Variants in TRPC7 observed in about 807,000 individuals in gnomAD.
TRPC7 encodes transient receptor potential cation channel subfamily C member 7.
Under a neutral mutation model 90.1 loss-of-function variants are expected in TRPC7, and 42 were observed. The ratio of observed to expected loss-of-function variants is 0.47; its 90% CI spans 0.36 to 0.60. The LOEUF (loss-of-function observed/expected upper bound fraction) is 0.60. Among genes scored for constraint, TRPC7 ranks in the 20% least tolerant of loss-of-function variants. The pLI, the probability that TRPC7 is intolerant of heterozygous loss-of-function variation, is 0.00. For missense variants in TRPC7, 955 were observed against 1,112.3 expected, an observed-to-expected ratio of 0.86 and a Z score of 2.01; for synonymous variants, 451 against 436.3, an observed-to-expected ratio of 1.03 and a Z score of -0.42.
At chr5:136,263,234 T>C (rs1756915038) in intron 5 of TRPC7, among the ~76,000 whole-genome samples, 1 of 152,146 alleles carries the variant, frequency 6.6e-6, no homozygotes. Flanking sequence ...CAGAAGTGTG[T>C]CTCTATAGTA....
intron 2 of TRPC7, among the ~76,000 whole-genome samples, chr5:136,327,552 T>G (rs116122092): frequency 6.6e-6 from 1 of 152,118 alleles, no homozygotes; most frequent in East Asian, 1.9e-4. Context: ...TAGCATGAAA[T>G]AGGAGAGCAT....
chr5:136,268,715 A>C (rs1757114711), intron 4 of TRPC7, among the ~76,000 whole-genome samples: 1 of 152,196 alleles, frequency 6.6e-6, no homozygotes, highest in Non-Finnish European at 1.5e-5. Context: ...AACCATAATA[A>C]AAAGTCCTGT....
chr5:136,275,220 T>C (rs1757326345), intron 3 of TRPC7, among the ~76,000 whole-genome samples: 1 of 152,150 alleles, frequency 6.6e-6, no homozygotes, highest in Non-Finnish European at 1.5e-5. Flanking sequence ...GAGGAATGGA[T>C]GGAGCATGAA....
At chr5:136,348,186 C>T (rs1760072059) in intron 2 of TRPC7, among the ~76,000 whole-genome samples, 1 of 152,218 alleles carries the variant, frequency 6.6e-6, no homozygotes, top group East Asian at 1.9e-4. Context: ...CCTCACCATT[C>T]ACCCTACAAT....
At chr5:136,313,239 T>C (rs1309681743) in intron 3 of TRPC7, among the ~76,000 whole-genome samples, 2 of 152,238 alleles carry the variant, frequency 1.3e-5, no homozygotes, top group Non-Finnish European at 2.9e-5. Flanking sequence ...GTAATACTTA[T>C]TAGCAGCCCA....
At chr5:136,341,813 T>A (rs1759855937) in intron 2 of TRPC7, among the ~76,000 whole-genome samples, 1 of 152,182 alleles carries the variant, frequency 6.6e-6, no homozygotes, top group African/African-American at 2.4e-5. Context: ...CAGTTACAGA[T>A]CCAGCAGCAA....
rs570892297 is a variant in TRPC7 at position 136,231,672 on chromosome 5, A to T, written c.1845-123T>A. 43 of 887,020 alleles carry T rather than the reference A, an allele frequency of 4.8e-5. No homozygotes were observed. The African/African-American group carries it at 6.6e-4, about 14-fold the overall frequency. The allele number at this position is 887,020 out of a possible 1,614,324, so 54.9% of individuals were successfully genotyped here. A position where few individuals can be genotyped will look rare whatever the true frequency, so the allele number is the denominator to read the frequency against. On this transcript the variant is annotated intron_variant, in intron 7 of 11. Transcript: ENST00000513104. Reference sequence around the variant, plus strand: ...TAGGCTGGAGTGCAGTGGCTCAATCATGGCTCACTCTAGCCCTGACCTCCT... The same window carrying T: ...TAGGCTGGAGTGCAGTGGCTCAATCTTGGCTCACTCTAGCCCTGACCTCCT...
At chr5:136,297,415 G>T (rs910461942) in intron 3 of TRPC7, among the ~76,000 whole-genome samples, 1 of 151,928 alleles carries the variant, frequency 6.6e-6, no homozygotes, top group African/African-American at 2.4e-5. Context: ...GCATCTGATG[G>T]GTTTAGTAGG....
chr5:136,274,400 T>A (rs760062492), intron 4 of TRPC7, among the ~76,000 whole-genome samples: 1 of 152,220 alleles, frequency 6.6e-6, no homozygotes, highest in Non-Finnish European at 1.5e-5. Flanking sequence ...AAAGTGTCTT[T>A]ATTCTCAATT....
chr5:136,257,779 AAATGGATTTTAAAAATAAATTTTTT>A lies in TRPC7; in HGVS notation c.1346-5922_1346-5898del, dbSNP rs557495579. On this transcript the variant is annotated intron_variant, in intron 5 of 11. Transcript: ENST00000513104. ...TGTGACTGTGCAACCGGTATTTTTT[AAATGGATTTTAAAAATAAATTTTTT>A]AATGGATAGAAAAATAGTGTTTGTT... 1.1e-4 allele frequency among the ~76,000 whole-genome samples: 17 copies of A among 152,328 alleles called. No individual in the cohort carries two copies. In the South Asian group the frequency reaches 2.9e-3, roughly 26 times the overall value.
intron 3 of TRPC7, among the ~76,000 whole-genome samples, chr5:136,302,531 T>C (rs1444695872): frequency 6.6e-6 from 1 of 152,092 alleles, no homozygotes; most frequent in Non-Finnish European, 1.5e-5. Context: ...TGCTCTCTTT[T>C]CTCTGGGCTG....
intron 1 of TRPC7, among the ~76,000 whole-genome samples, chr5:136,360,763 C>T (rs1188232444): frequency 6.6e-6 from 1 of 152,128 alleles, no homozygotes; most frequent in Non-Finnish European, 1.5e-5. Flanking sequence ...AGTGAAATTG[C>T]TTCCAATGCG....
intron 3 of TRPC7, among the ~76,000 whole-genome samples, chr5:136,284,581 C>A (rs996947706): frequency 2.0e-5 from 3 of 152,152 alleles, no homozygotes; most frequent in Admixed American, 6.5e-5. Context: ...ATAATAATGT[C>A]TTGGCTCTCA....
intron 3 of TRPC7, among the ~76,000 whole-genome samples, chr5:136,299,922 A>G (rs17695203): frequency 0.12 from 18,439 of 152,048 alleles, 1,174 homozygotes; most frequent in African/African-American, 0.14. Flanking sequence ...CTTCCTATTA[A>G]CCCCCAAATC....
chr5:136,317,577 C>T (rs1307603941), intron 2 of TRPC7, among the ~76,000 whole-genome samples: 1 of 152,258 alleles, frequency 6.6e-6, no homozygotes, highest in East Asian at 1.9e-4. Flanking sequence ...CCACATGGAC[C>T]CATTCAACTC....
At chr5:136,288,417 T>TC (rs1280224535) in intron 3 of TRPC7, among the ~76,000 whole-genome samples, 3 of 152,042 alleles carry the variant, frequency 2.0e-5, no homozygotes, top group African/African-American at 7.2e-5. Context: ...ATTTTTTTTT[T>TC]TTTCTAGTAA....
At chr5:136,334,082 G>A (rs550776768) in intron 2 of TRPC7, among the ~76,000 whole-genome samples, 2 of 152,106 alleles carry the variant, frequency 1.3e-5, no homozygotes, top group African/African-American at 4.8e-5. Flanking sequence ...CCAAAAAGAG[G>A]TTCAGAGTGA....
intron 4 of TRPC7, among the ~76,000 whole-genome samples, chr5:136,268,946 C>T (rs900810924): frequency 6.6e-6 from 1 of 152,190 alleles, no homozygotes; most frequent in Non-Finnish European, 1.5e-5. Flanking sequence ...CTATTTGACT[C>T]ACACAGATAA....
At chr5:136,302,338 T>C (rs981604890) in intron 3 of TRPC7, among the ~76,000 whole-genome samples, 1 of 152,144 alleles carries the variant, frequency 6.6e-6, no homozygotes, top group Non-Finnish European at 1.5e-5. Context: ...TTCTTCACCC[T>C]TAGGGGCAAG....
Sources: allele counts gnomAD v4.1 joint callset (sites outside exome capture counted in the v4.1 genomes callset), GRCh38; gene constraint gnomAD v4.1.1; transcripts MANE v1.5; gene names NCBI Gene and HGNC (gene_info 2026-07-23, HGNC 2026-07-21).